Variants in SOX5 observed in about 807,000 individuals in gnomAD.
SOX5 encodes SRY-box transcription factor 5.
Under a neutral mutation model 92.0 loss-of-function variants are expected in SOX5, and 9 were observed. The ratio of observed to expected loss-of-function variants is 0.10; its 90% CI spans 0.06 to 0.17. The LOEUF (loss-of-function observed/expected upper bound fraction) is 0.17. Ranked by LOEUF, SOX5 falls within the 10% of genes least tolerant of loss-of-function variation. The pLI, the probability that SOX5 is intolerant of heterozygous loss-of-function variation, is 1.00. For synonymous variants in SOX5, 344 were observed against 336.3 expected (o/e 1.02, Z -0.25); for missense variants, 642 against 944.5 (o/e 0.68, Z 4.20).
chr12:24,322,205 A>G (rs956348547), intron 2 of SOX5, among the ~76,000 whole-genome samples: 5 of 152,168 alleles, frequency 3.3e-5, no homozygotes, highest in Admixed American at 2.6e-4. Context: ...CATGAAAAAA[A>G]TCAAGATAGT....
intron 3 of SOX5, among the ~76,000 whole-genome samples, chr12:23,785,243 C>A (rs927464061): frequency 2.5e-4 from 38 of 152,216 alleles, no homozygotes; most frequent in Middle Eastern, 3.4e-3. Context: ...AACCTGAGAG[C>A]TTTTATTGAG....
intron 1 of SOX5, among the ~76,000 whole-genome samples, chr12:24,496,051 C>A (rs1035115518): frequency 1.3e-5 from 2 of 152,142 alleles, no homozygotes; most frequent in African/African-American, 4.8e-5. Context: ...CAAGGCAGAA[C>A]AACTTTGAAA....
chr12:23,594,970 C>G (rs1198307331), intron 9 of SOX5, among the ~76,000 whole-genome samples: 1 of 152,158 alleles, frequency 6.6e-6, no homozygotes, highest in Non-Finnish European at 1.5e-5. Flanking sequence ...TTCTTGTCCC[C>G]AGCACACTAT....
At chr12:24,130,641 G>A (rs970620069) in intron 4 of SOX5, among the ~76,000 whole-genome samples, 12 of 152,182 alleles carry the variant, frequency 7.9e-5, no homozygotes, top group Admixed American at 7.2e-4. Context: ...GAAGAGAAAA[G>A]GAGACAGGGT....
At chr12:23,807,642 AT>A (rs34889293) in intron 3 of SOX5, among the ~76,000 whole-genome samples, 13,765 of 142,006 alleles carry the variant, frequency 0.097, 735 homozygotes, top group Middle Eastern at 0.15. Context: ...CAGAAATTCC[AT>A]TTTTTTTTTT....
chr12:24,006,099 G>T (rs1399086671), intron 4 of SOX5, among the ~76,000 whole-genome samples: 1 of 152,014 alleles, frequency 6.6e-6, no homozygotes, highest in Non-Finnish European at 1.5e-5. Context: ...ATCTACAATG[G>T]GAAAAAATTA....
intron 9 of SOX5, among the ~76,000 whole-genome samples, chr12:23,577,450 T>A (rs1949349439): frequency 2.0e-5 from 3 of 151,832 alleles, no homozygotes; most frequent in Admixed American, 2.0e-4. Context: ...CTGCCTGCGT[T>A]GGCCTCCCAA....
At chr12:24,194,295 C>G (rs1424736068) in intron 4 of SOX5, among the ~76,000 whole-genome samples, 1 of 152,038 alleles carries the variant, frequency 6.6e-6, no homozygotes. Context: ...AAAACAGCTT[C>G]TGTATTTAGA....
At chr12:24,057,813 G>T (rs1428128002) in intron 4 of SOX5, among the ~76,000 whole-genome samples, 1 of 152,128 alleles carries the variant, frequency 6.6e-6, no homozygotes, top group African/African-American at 2.4e-5. Context: ...GTGATTTGAG[G>T]AACTGTAAGA....
intron 3 of SOX5, among the ~76,000 whole-genome samples, chr12:23,787,089 A>T (rs1175662093): frequency 8.8e-6 from 1 of 113,300 alleles, no homozygotes; most frequent in African/African-American, 3.4e-5. Context: ...ACTTCTTTTG[A>T]TCTTAGATGG....
chr12:24,331,788 C>T (rs1046457749), intron 2 of SOX5, among the ~76,000 whole-genome samples: 1 of 125,108 alleles, frequency 8.0e-6, no homozygotes, highest in African/African-American at 3.1e-5. Flanking sequence ...GCAGAGGTTG[C>T]ACTGAGTTGA....
chr12:23,853,874 G>T (rs2096659933), intron 2 of SOX5, among the ~76,000 whole-genome samples: 1 of 152,008 alleles, frequency 6.6e-6, no homozygotes, highest in East Asian at 1.9e-4. Context: ...AGTGAGCAAA[G>T]ACCAACCATA....
chr12:23,762,344 A>G (rs1198929897), intron 3 of SOX5: 1 of 335,550 alleles, frequency 3.0e-6, no homozygotes, highest in Admixed American at 4.9e-5. Flanking sequence ...GCTGTAGCGT[A>G]CTTTGTTTGC....
At chr12:24,188,014 T>C (rs1322048933) in intron 4 of SOX5, among the ~76,000 whole-genome samples, 1 of 152,208 alleles carries the variant, frequency 6.6e-6, no homozygotes, top group Admixed American at 6.6e-5. Context: ...ATTTTTAATC[T>C]ACCAATAGTA....
chr12:23,772,504 T>C (rs1015449448), intron 3 of SOX5, among the ~76,000 whole-genome samples: 1 of 152,160 alleles, frequency 6.6e-6, no homozygotes, highest in East Asian at 1.9e-4. Context: ...GTAATTAAAA[T>C]AAAAGAAAAA....
At chr12:24,444,718 G>A (rs148337061) in intron 1 of SOX5, among the ~76,000 whole-genome samples, 1 of 152,156 alleles carries the variant, frequency 6.6e-6, no homozygotes, top group Non-Finnish European at 1.5e-5. Flanking sequence ...AATGTCTAAC[G>A]TCTGCTAAAT....
chr12:24,155,411 T>A (rs150251701), intron 4 of SOX5, among the ~76,000 whole-genome samples: 3 of 152,246 alleles, frequency 2.0e-5, no homozygotes, highest in Admixed American at 2.0e-4. Context: ...AAACTTCTTA[T>A]TTTTTTGACA....
At chr12:23,984,352 G>T (rs1218125383) in intron 4 of SOX5, among the ~76,000 whole-genome samples, 18 of 152,164 alleles carry the variant, frequency 1.2e-4, no homozygotes, top group Admixed American at 1.1e-3. Flanking sequence ...GAAGCATTTA[G>T]CTAAGTCTTA....
chr12:23,703,200 A>C (rs1425913624), intron 6 of SOX5, among the ~76,000 whole-genome samples: 1 of 152,086 alleles, frequency 6.6e-6, no homozygotes, highest in Non-Finnish European at 1.5e-5. Context: ...AAAAACTCCA[A>C]GGTAAAGTTA....
Sources: allele counts gnomAD v4.1 joint callset (sites outside exome capture counted in the v4.1 genomes callset), GRCh38; gene constraint gnomAD v4.1.1; transcripts MANE v1.5; gene names NCBI Gene and HGNC (gene_info 2026-07-23, HGNC 2026-07-21).